DNAH9: variants seen among roughly 807,000 people sequenced by gnomAD.
DNAH9 encodes DNAH9 variant protein.
A neutral mutation model predicts 471.6 loss-of-function variants in DNAH9; 345 were observed. That is an observed-to-expected ratio of 0.73 (90% CI 0.67 to 0.80). The LOEUF is 0.80. DNAH9 is among the 30% of genes least tolerant of loss of function. The pLI is 0.00. For synonymous variants in DNAH9, 2,093 were observed against 2,123.6 expected, an observed-to-expected ratio of 0.99 and a Z score of 0.40; for missense variants, 5,407 against 5,609.2, an observed-to-expected ratio of 0.96 and a Z score of 1.15.
intron 11 of DNAH9, among the ~76,000 whole-genome samples, chr17:11,646,797 C>G (rs1057202499): frequency 6.6e-6 from 1 of 152,160 alleles, no homozygotes; most frequent in African/African-American, 2.4e-5. Flanking sequence ...CCTGTAATCC[C>G]AGCTACTTGG....
intron 28 of DNAH9, among the ~76,000 whole-genome samples, chr17:11,734,957 G>A (rs1305094374): frequency 6.6e-6 from 1 of 152,182 alleles, no homozygotes; most frequent in Non-Finnish European, 1.5e-5. Context: ...TCAAATTTCA[G>A]CGTGCATCAG....
intron 28 of DNAH9, among the ~76,000 whole-genome samples, chr17:11,728,744 G>A (rs1021910620): frequency 1.3e-4 from 20 of 152,106 alleles, no homozygotes; most frequent in African/African-American, 4.8e-4. Flanking sequence ...TTGAAATTCT[G>A]TACCAGGCAC....
intron 49 of DNAH9, 80 bp from the exon 50 acceptor site, chr17:11,853,923 C>T: frequency 1.4e-6 from 2 of 1,418,448 alleles, no homozygotes; most frequent in South Asian, 2.6e-5. Flanking sequence ...ACCGATCGCT[C>T]CACAACCTAA....
intron 43 of DNAH9, among the ~76,000 whole-genome samples, chr17:11,806,268 C>T (rs575145495): frequency 1.3e-5 from 2 of 152,256 alleles, no homozygotes; most frequent in South Asian, 2.1e-4. Flanking sequence ...TCATTCTGCG[C>T]GGCAGTCTCT....
chr17:11,880,339 C>T, intron 54 of DNAH9, 139 bp downstream of exon 54: 1 of 1,124,098 alleles, frequency 8.9e-7, no homozygotes, highest in Non-Finnish European at 1.2e-6. Context: ...ATCCACCTTT[C>T]TTTCTTCCAG....
chr17:11,923,066 GT>G (rs1974186783), intron 61 of DNAH9, among the ~76,000 whole-genome samples: 3 of 150,750 alleles, frequency 2.0e-5, no homozygotes, highest in African/African-American at 7.3e-5. Flanking sequence ...TTTTTTGTTT[GT>G]TTTGGTTTTT....
At chr17:11,815,023 A>G (rs1244016176) in intron 45 of DNAH9, among the ~76,000 whole-genome samples, 2 of 152,096 alleles carry the variant, frequency 1.3e-5, no homozygotes, top group East Asian at 1.9e-4. Flanking sequence ...ATCCTCTAAG[A>G]CATACTTAGT....
chr17:11,604,247 C>T (rs527313113), intron 1 of DNAH9, among the ~76,000 whole-genome samples: 1 of 152,190 alleles, frequency 6.6e-6, no homozygotes, highest in East Asian at 1.9e-4. Flanking sequence ...TGGTCTCAAA[C>T]TCCTGACCTC....
rs1342851880 is a variant in DNAH9, at chr17:11,798,943, C to G, written c.8420+1150C>G. Reference sequence around the variant, plus strand: ...CCCCAGTTCTTTTGAACACAAGTCACCTGCCTTTCCTACTCATTCTTCCTC... The same window carrying G: ...CCCCAGTTCTTTTGAACACAAGTCAGCTGCCTTTCCTACTCATTCTTCCTC... On this transcript the variant is annotated intron_variant, in intron 43 of 68. Transcript: ENST00000262442. Among the ~76,000 whole-genome samples, 6 of 152,270 alleles carry G rather than the reference C, an allele frequency of 3.9e-5. No individual in the cohort carries two copies. The East Asian group carries it at 1.2e-3, about 29-fold the overall frequency.
chr17:11,605,269 C>CA (rs2072476296), intron 1 of DNAH9, among the ~76,000 whole-genome samples: 1 of 152,192 alleles, frequency 6.6e-6, no homozygotes, highest in South Asian at 2.1e-4. Context: ...CTCCACCCCA[C>CA]ACTCCTGATT....
rs181990980 is a variant in DNAH9, at chr17:11,858,405, G to C, written c.9933+3977G>C. 7.4e-4 allele frequency among the ~76,000 whole-genome samples: 112 copies of C among 151,118 alleles called. 1 individual carries two copies. The highest frequency in any genetic ancestry group is 2.6e-3 in the African/African-American group (104 of 40,462). On this transcript the variant is annotated intron_variant, in intron 50 of 68. Transcript: ENST00000262442. The stretch of plus-strand genomic sequence containing the variant: ...TAATTAATTGCCAATATTTAAAATA[G>C]CAGGTACTTTTACGTAAAAATCTTA...
intron 53 of DNAH9, among the ~76,000 whole-genome samples, chr17:11,878,933 T>G (rs1482077522): frequency 6.6e-6 from 1 of 152,234 alleles, no homozygotes; most frequent in East Asian, 1.9e-4. Context: ...TAGTTTAAGC[T>G]ATTATATGTG....
chr17:11,669,157 A>AG lies in DNAH9; in HGVS notation c.2831dup (p.Cys946LeufsTer2), dbSNP rs778149067. 1.1e-5 allele frequency: 18 copies of AG among 1,613,648 alleles called. No individual in the cohort carries two copies. Among genetic ancestry groups the AG allele is most frequent in the Admixed American group, 3.3e-5 (2 of 59,988 alleles). ...TATCCGTCTCTGGAGTCTGGAGTGA[A>AG]GGGGGGTTTCTGTGACATTGTTGAG... is the stretch of plus-strand genomic sequence containing the variant. On this transcript the variant is annotated frameshift_variant, in exon 16 of 69. Coordinates refer to ENST00000262442, the MANE Select transcript of DNAH9 (RefSeq NM_001372.4). LOFTEE classifies it high-confidence loss of function.
chr17:11,796,663 G>A (rs1222276130), intron 42 of DNAH9, among the ~76,000 whole-genome samples: 2 of 150,162 alleles, frequency 1.3e-5, no homozygotes, highest in Non-Finnish European at 3.0e-5. Context: ...ACTTTAGGAG[G>A]AAAAAACGAC....
intron 21 of DNAH9, 56 bp downstream of exon 21, chr17:11,694,054 C>T: frequency 1.3e-6 from 2 of 1,594,480 alleles, no homozygotes; most frequent in African/African-American, 1.4e-5. Flanking sequence ...TCCTTTTCCC[C>T]ATCGTCTCTG....
intron 26 of DNAH9, among the ~76,000 whole-genome samples, chr17:11,718,089 C>T (rs2074996715): frequency 6.6e-6 from 1 of 151,464 alleles, no homozygotes; most frequent in African/African-American, 2.4e-5. Context: ...GTTGCCCAGG[C>T]TAGTCTCAAA....
chr17:11,734,990 G>A (rs115250681), intron 28 of DNAH9, among the ~76,000 whole-genome samples: 1,651 of 152,254 alleles, frequency 0.011, 30 homozygotes, highest in African/African-American at 0.037. Context: ...GGCCTGTTCC[G>A]ACGCACCTCA....
intron 41 of DNAH9, among the ~76,000 whole-genome samples, chr17:11,785,239 C>CTA (rs1968820824): frequency 1.3e-5 from 2 of 151,980 alleles, no homozygotes; most frequent in African/African-American, 4.8e-5. Flanking sequence ...TACAACTCTC[C>CTA]CATTCTGGAC....
At chr17:11,628,998 G>T (rs756529377) in intron 6 of DNAH9, among the ~76,000 whole-genome samples, 4 of 151,870 alleles carry the variant, frequency 2.6e-5, no homozygotes, top group Non-Finnish European at 5.9e-5. Flanking sequence ...AACTAATCAG[G>T]CTTCACAATT....
Sources: gnomAD v4.1 joint callset for allele counts (sites outside exome capture counted in the v4.1 genomes callset) on GRCh38, gnomAD v4.1.1 for gene constraint, MANE v1.5 for transcripts, NCBI Gene and HGNC (gene_info 2026-07-23, HGNC 2026-07-21) for gene names.